CD4: variants seen among roughly 807,000 people sequenced by gnomAD.
CD4 encodes the protein CD4 molecule.
Under a neutral mutation model 50.5 loss-of-function variants are expected in CD4, and 25 were observed. The observed-to-expected ratio is 0.49, with a 90% confidence interval of 0.36 to 0.69. CD4 has a LOEUF of 0.69. CD4 is among the 30% of genes least tolerant of loss of function. The pLI, the probability that CD4 is intolerant of heterozygous loss-of-function variation, is 0.00. For synonymous variants in CD4, 207 were observed against 221.9 expected, an observed-to-expected ratio of 0.93 and a Z score of 0.60; for missense variants, 456 against 548.5, an observed-to-expected ratio of 0.83 and a Z score of 1.68.
At chr12:6,812,679 CAA>C (rs1327428275) in intron 3 of CD4, among the ~76,000 whole-genome samples, 1 of 135,696 alleles carries the variant, frequency 7.4e-6, no homozygotes, top group African/African-American at 2.7e-5. Context: ...AACTCCATCT[CAA>C]AAAAAAAAAA....
Position 6,816,362 on chromosome 12 carries a change from C to T in CD4, c.914C>T (p.Thr305Ile). 2 of 1,614,178 alleles carry T rather than the reference C, an allele frequency of 1.2e-6. No individual in the cohort carries two copies. The highest frequency in any genetic ancestry group is 1.7e-6 in the Non-Finnish European group (2 of 1,180,008). The change falls in exon 6 of 10, where the codon ACA (threonine) becomes ATA (isoleucine). Residue 305 changes from threonine to isoleucine, a missense_variant. Transcript: ENST00000011653. The surrounding 1 kb of genome is among the most constrained non-coding windows in gnomAD (Gnocchi z 4.9). Reference sequence around the variant, plus strand: ...CTCACCCTGGCCCTTGAAGCGAAAACAGGAAAGTTGCATCAGGAAGTGAAC... The same window carrying T: ...CTCACCCTGGCCCTTGAAGCGAAAATAGGAAAGTTGCATCAGGAAGTGAAC... ...GNLTLALEAK[T>I]GKLHQEVNLV...
chr12:6,818,781 C>G lies in CD4; in HGVS notation c.1279-66C>G. The G allele has an allele frequency of 6.9e-7, 1 of 1,447,872 alleles. No individual in the cohort carries two copies. The highest frequency in any genetic ancestry group is 9.7e-7 in the Non-Finnish European group (1 of 1,028,704). 89.7% of individuals were successfully genotyped at this position (1,447,872 alleles called of 1,614,324 possible). On this transcript the variant is annotated intron_variant, in intron 8 of 9. Coordinates refer to ENST00000011653, the MANE Select transcript of CD4 (RefSeq NM_000616.5). The surrounding 1 kb of genome is among the most constrained non-coding windows in gnomAD (Gnocchi z 5.0). Reference sequence around the variant, plus strand: ...CTGTCGCAGCTTCCCCCACTCCCCCCACCAAGGGGCACCTCCCTTCTGGAG... The same window carrying G: ...CTGTCGCAGCTTCCCCCACTCCCCCGACCAAGGGGCACCTCCCTTCTGGAG...
At chr12:6,800,649 G>A (rs782125554) in intron 3 of CD4, among the ~76,000 whole-genome samples, 178 bp downstream of exon 3, 6 of 152,124 alleles carry the variant, frequency 3.9e-5, no homozygotes, top group Non-Finnish European at 8.8e-5. Context: ...CCAGGGAAAG[G>A]TGGTATGTGA....
At chr12:6,813,083 T>G (rs1942985481) in intron 3 of CD4, among the ~76,000 whole-genome samples, 1 of 151,936 alleles carries the variant, frequency 6.6e-6, no homozygotes, top group Admixed American at 6.6e-5. Context: ...ATTTTTTTTC[T>G]TTTTTGAGAC....
At position 6,800,270 on chromosome 12, in the gene CD4, G is replaced by A. The variant is rs782173942; in HGVS notation, c.50-37G>A. On this transcript the variant is annotated intron_variant, in intron 2 of 9. Transcript: ENST00000011653. ...GAGGATGGGGTAGAGGGGGACAGCG[G>A]CGACATTGAGACCTGACTCCTTTCT... The A allele has an allele frequency of 2.2e-5, 35 of 1,612,968 alleles. No individual in the cohort carries two copies. In the South Asian group the frequency reaches 3.6e-4, roughly 17 times the overall value.
At chr12:6,808,612 T>C (rs1942846678) in intron 3 of CD4, among the ~76,000 whole-genome samples, 1 of 152,044 alleles carries the variant, frequency 6.6e-6, no homozygotes. Flanking sequence ...CTTAGAAATG[T>C]ATATTATTAG....
chr12:6,817,408 C>T (rs1943109676), intron 7 of CD4, 78 bp downstream of exon 7: 1 of 1,281,690 alleles, frequency 7.8e-7, no homozygotes, highest in Non-Finnish European at 1.1e-6. Flanking sequence ...ACCCAGAGTC[C>T]CGGCCTCCCA....
At chr12:6,794,688 T>A (rs1942309864) in intron 1 of CD4, among the ~76,000 whole-genome samples, 1 of 151,258 alleles carries the variant, frequency 6.6e-6, no homozygotes, top group East Asian at 2.0e-4. Context: ...ATCTATCTTG[T>A]CTGTCTGACT....
chr12:6,807,607 C>T (rs1555116380), intron 3 of CD4, among the ~76,000 whole-genome samples: 1 of 152,046 alleles, frequency 6.6e-6, no homozygotes, highest in Non-Finnish European at 1.5e-5. Flanking sequence ...AAAGCAACAA[C>T]CTTATGGCGC....
At chr12:6,808,450 CAAAA>C (rs3032789) in intron 3 of CD4, among the ~76,000 whole-genome samples, 3 of 37,806 alleles carry the variant, frequency 7.9e-5, no homozygotes, top group Non-Finnish European at 1.8e-4. Flanking sequence ...GATTCTGTCT[CAAAA>C]AAAAAAAAAA....
At chr12:6,815,112 A>C (rs781853897) in intron 5 of CD4, 120 bp downstream of exon 5, 1 of 716,874 alleles carries the variant, frequency 1.4e-6, no homozygotes, top group East Asian at 2.7e-5. Flanking sequence ...GGAGAAGACT[A>C]GGTCCCCTAG....
At chr12:6,805,780 A>T (rs1942734707) in intron 3 of CD4, among the ~76,000 whole-genome samples, 1 of 151,990 alleles carries the variant, frequency 6.6e-6, no homozygotes, top group African/African-American at 2.4e-5. Flanking sequence ...GATTTTTTGT[A>T]GATATAAACA....
chr12:6,814,586 G>C lies in CD4; in HGVS notation c.374-173G>C, dbSNP rs1484700955. ...AGGATGAGGGGAGAGGAGGAAAGAAGAGAGAGAGGAGGGGAGAGGGAAACC... is the reference window on the plus strand; with the variant it reads ...AGGATGAGGGGAGAGGAGGAAAGAACAGAGAGAGGAGGGGAGAGGGAAACC... On this transcript the variant is annotated intron_variant, in intron 4 of 9. Coordinates refer to ENST00000011653, the MANE Select transcript of CD4 (RefSeq NM_000616.5). 4.2e-6 allele frequency: 3 copies of C among 709,356 alleles called. No homozygotes were observed. The East Asian group carries it at 7.9e-5, about 19-fold the overall frequency. 43.9% of individuals were successfully genotyped at this position (709,356 alleles called of 1,614,324 possible).
intron 3 of CD4, among the ~76,000 whole-genome samples, chr12:6,808,496 T>A (rs1240330638): frequency 2.0e-5 from 3 of 149,382 alleles, no homozygotes; most frequent in African/African-American, 7.4e-5. Context: ...AAGTTTACCT[T>A]TTTTTTTAAA....
chr12:6,801,811 TG>T, intron 3 of CD4, among the ~76,000 whole-genome samples: 1 of 151,188 alleles, frequency 6.6e-6, no homozygotes, highest in East Asian at 2.0e-4. Context: ...TTACCCTCCT[TG>T]GCCTCCCAAA....
intron 4 of CD4, 45 bp downstream of exon 4, chr12:6,814,345 C>A (rs201738966): frequency 1.9e-6 from 3 of 1,583,420 alleles, no homozygotes; most frequent in African/African-American, 2.7e-5. Context: ...GCCTGGTTCC[C>A]TTCCCCACTA....
intron 1 of CD4, among the ~76,000 whole-genome samples, chr12:6,790,591 C>A (rs760309395): frequency 6.6e-6 from 1 of 152,332 alleles, no homozygotes; most frequent in Admixed American, 6.5e-5. Context: ...GGATGTGCAG[C>A]CCCTCCTGGG....
chr12:6,790,781 C>T (rs1942133988), intron 1 of CD4, among the ~76,000 whole-genome samples: 2 of 152,184 alleles, frequency 1.3e-5, no homozygotes, highest in Non-Finnish European at 2.9e-5. Context: ...GAGAGGTTTC[C>T]TGGGGTACGT....
At chr12:6,809,623 A>G (rs1317746027) in intron 3 of CD4, among the ~76,000 whole-genome samples, 1 of 152,100 alleles carries the variant, frequency 6.6e-6, no homozygotes, top group Non-Finnish European at 1.5e-5. Flanking sequence ...GTCTGCTACT[A>G]GTCTCGCCTA....
Sources: allele counts gnomAD v4.1 joint callset (sites outside exome capture counted in the v4.1 genomes callset), GRCh38; gene constraint gnomAD v4.1.1; non-coding constraint Gnocchi (gnomAD v3.1); transcripts MANE v1.5; gene names NCBI Gene and HGNC (gene_info 2026-07-23, HGNC 2026-07-21).